Variants in ARHGAP26 observed in about 807,000 individuals in gnomAD.
ARHGAP26 encodes rho GTPase-activating protein 26.
In ARHGAP26, 38 loss-of-function variants were observed where a neutral mutation model predicts 104.8. That is an observed-to-expected ratio of 0.36 (90% CI 0.28 to 0.48). The LOEUF (loss-of-function observed/expected upper bound fraction) is 0.48, where lower values mean the gene tolerates loss of function less well. Ranked by LOEUF, ARHGAP26 falls within the 20% of genes least tolerant of loss-of-function variation. ARHGAP26 has a pLI of 0.99. For missense variants in ARHGAP26, 704 were observed against 947.9 expected, an observed-to-expected ratio of 0.74 and a Z score of 3.38; for synonymous variants, 341 against 340.0, an observed-to-expected ratio of 1.00 and a Z score of -0.03.
At chr5:143,100,909 G>A (rs1297294488) in intron 17 of ARHGAP26, among the ~76,000 whole-genome samples, 2 of 152,158 alleles carry the variant, frequency 1.3e-5, no homozygotes, top group Non-Finnish European at 2.9e-5. Context: ...TGGCCAACAT[G>A]GCGAAACCCT....
intron 11 of ARHGAP26, among the ~76,000 whole-genome samples, chr5:142,987,462 C>G (rs1475840437): frequency 6.6e-6 from 1 of 152,200 alleles, no homozygotes. Flanking sequence ...TTGACTTCCT[C>G]TTTTCCTAAT....
intron 19 of ARHGAP26, among the ~76,000 whole-genome samples, chr5:143,141,857 TA>T (rs1562497806): frequency 1.3e-5 from 2 of 152,366 alleles, no homozygotes; most frequent in Non-Finnish European, 2.9e-5. Flanking sequence ...AATGGTGTTT[TA>T]GGGCCAGTCT....
intron 20 of ARHGAP26, among the ~76,000 whole-genome samples, chr5:143,189,811 G>A (rs1805659982): frequency 6.6e-6 from 1 of 152,250 alleles, no homozygotes; most frequent in East Asian, 1.9e-4. Context: ...GAAGCCTACT[G>A]AACTTGAATG....
chr5:143,067,275 C>A (rs1787638193), intron 17 of ARHGAP26, among the ~76,000 whole-genome samples: 1 of 152,108 alleles, frequency 6.6e-6, no homozygotes, highest in South Asian at 2.1e-4. Flanking sequence ...ACTGCCCTCT[C>A]AGATGTCATT....
In ARHGAP26 at chr5:143,206,740, C is replaced by T. The variant is rs1043778678; in HGVS notation, c.1989-458C>T. Among the ~76,000 whole-genome samples, 3 of 152,168 alleles carry T rather than the reference C, an allele frequency of 2.0e-5. No individual in the cohort carries two copies. In the South Asian group the frequency reaches 6.2e-4, roughly 32 times the overall value. On this transcript the variant is annotated intron_variant, in intron 20 of 22. Coordinates refer to ENST00000645722, the MANE Select transcript of ARHGAP26 (RefSeq NM_001135608.3). ...ATGCAAACAGGAGATTATTTTCTCACCGAATGGCCTTTGTGGCCCAGAAGA... is the reference window on the plus strand; with the variant it reads ...ATGCAAACAGGAGATTATTTTCTCATCGAATGGCCTTTGTGGCCCAGAAGA...
intron 1 of ARHGAP26, among the ~76,000 whole-genome samples, chr5:142,833,541 T>C (rs1293943778): frequency 2.6e-5 from 4 of 152,220 alleles, no homozygotes; most frequent in Admixed American, 2.6e-4. Flanking sequence ...CATTTTTGTA[T>C]GTACTTTTTT....
At chr5:143,088,720 A>G (rs554014086) in intron 17 of ARHGAP26, among the ~76,000 whole-genome samples, 8 of 152,230 alleles carry the variant, frequency 5.3e-5, no homozygotes, top group Non-Finnish European at 8.8e-5. Flanking sequence ...CGGTGAGCGC[A>G]CACTTTGGCA....
intron 17 of ARHGAP26, among the ~76,000 whole-genome samples, chr5:143,111,769 C>T (rs1180261351): frequency 1.3e-5 from 2 of 152,184 alleles, no homozygotes; most frequent in Non-Finnish European, 2.9e-5. Context: ...TATTAGACCT[C>T]GTAAATATTT....
At chr5:142,985,109 T>C (rs1327277056) in intron 11 of ARHGAP26, among the ~76,000 whole-genome samples, 1 of 152,102 alleles carries the variant, frequency 6.6e-6, no homozygotes, top group African/African-American at 2.4e-5. Context: ...AGGCTAATGT[T>C]TGTGTTTGCG....
chr5:142,967,249 A>G (rs1201808216), intron 11 of ARHGAP26, among the ~76,000 whole-genome samples: 1 of 152,236 alleles, frequency 6.6e-6, no homozygotes, highest in African/African-American at 2.4e-5. Flanking sequence ...AGTAAGACAG[A>G]GTGAACTCTG....
intron 18 of ARHGAP26, among the ~76,000 whole-genome samples, chr5:143,128,196 TC>T (rs1159273700): frequency 2.0e-5 from 3 of 152,108 alleles, no homozygotes; most frequent in African/African-American, 7.2e-5. Flanking sequence ...ACACATATAT[TC>T]CCCCCAATAA....
chr5:143,009,337 A>G (rs1778424206), intron 11 of ARHGAP26, among the ~76,000 whole-genome samples: 3 of 152,126 alleles, frequency 2.0e-5, no homozygotes, highest in South Asian at 2.1e-4. Flanking sequence ...CGTCATCACA[A>G]TGACTTATTG....
chr5:142,829,174 C>T (rs1382157889), intron 1 of ARHGAP26, among the ~76,000 whole-genome samples: 1 of 152,208 alleles, frequency 6.6e-6, no homozygotes, highest in African/African-American at 2.4e-5. Flanking sequence ...CTGAGGTTGA[C>T]ACTTGGTAAA....
intron 19 of ARHGAP26, among the ~76,000 whole-genome samples, chr5:143,140,857 A>T (rs1798436391): frequency 6.6e-6 from 1 of 152,194 alleles, no homozygotes; most frequent in African/African-American, 2.4e-5. Context: ...AATTCATCCT[A>T]GACCCTCTCC....
intron 20 of ARHGAP26, chr5:143,203,300 G>T (rs1413812313): frequency 6.6e-6 from 1 of 152,116 alleles, no homozygotes; most frequent in African/African-American, 2.4e-5. Context: ...CATTTATGTG[G>T]CAAACAAACA....
chr5:142,919,444 C>G (rs1762910178), intron 10 of ARHGAP26: 1 of 398,436 alleles, frequency 2.5e-6, no homozygotes. Flanking sequence ...GTTGATTAAG[C>G]CAGCCAGTTT....
chr5:142,990,893 T>C (rs774697591), intron 11 of ARHGAP26, among the ~76,000 whole-genome samples: 5 of 152,198 alleles, frequency 3.3e-5, no homozygotes, highest in African/African-American at 9.7e-5. Flanking sequence ...GTCTCCCAGT[T>C]AGGCTACTCG....
chr5:143,042,600 A>G (rs192786704), intron 14 of ARHGAP26, among the ~76,000 whole-genome samples: 50 of 152,380 alleles, frequency 3.3e-4, no homozygotes, highest in Non-Finnish European at 2.9e-5. Context: ...AATGGCAAAC[A>G]GATCAGGTTT....
chr5:142,873,050 G>A (rs989094789), intron 1 of ARHGAP26, among the ~76,000 whole-genome samples: 3 of 152,220 alleles, frequency 2.0e-5, no homozygotes, highest in Non-Finnish European at 2.9e-5. Flanking sequence ...GAGCAGACCT[G>A]CAGGCTGTGG....
Sources: allele counts gnomAD v4.1 joint callset (sites outside exome capture counted in the v4.1 genomes callset), GRCh38; gene constraint gnomAD v4.1.1; transcripts MANE v1.5; gene names NCBI Gene and HGNC (gene_info 2026-07-23, HGNC 2026-07-21).